The following TTLL7 variants were observed in gnomAD, a reference collection of about 807,000 sequenced individuals.
The protein encoded by TTLL7 is tubulin tyrosine ligase like 7, also known as tubulin polyglutamylase TTLL7.
Under a neutral mutation model 120.2 loss-of-function variants are expected in TTLL7, and 53 were observed. The observed-to-expected ratio is 0.44, with a 90% CI of 0.35 to 0.55. TTLL7 has a LOEUF of 0.55. TTLL7 is among the 20% of genes least tolerant of loss of function. The pLI is 0.00. For missense variants in TTLL7, 803 were observed against 1,054.7 expected, an observed-to-expected ratio of 0.76 and a Z score of 3.31; for synonymous variants, 353 against 351.7, an observed-to-expected ratio of 1.00 and a Z score of -0.04.
rs1168052454 is a variant in TTLL7, at chr1:83,942,694, A to G, written c.507-15T>C. ...TCAAAGAAATCCTATGTTTAAAGAA[A>G]AAAATTAAAAGAATGATTTGACATA... On this transcript the variant is annotated splice_polypyrimidine_tract_variant and intron_variant, in intron 6 of 20. Transcript: ENST00000260505. The G allele has an allele frequency of 1.9e-6, 3 of 1,573,422 alleles. No homozygotes were observed. The African/African-American group carries it at 4.1e-5, about 21-fold the overall frequency.
intron 18 of TTLL7, among the ~76,000 whole-genome samples, chr1:83,898,782 C>T (rs1656459395): frequency 6.6e-6 from 1 of 151,642 alleles, no homozygotes; most frequent in Non-Finnish European, 1.5e-5. Flanking sequence ...TAAATTTGTT[C>T]CAATGATTAC....
At chr1:83,952,057 C>T in intron 2 of TTLL7, 81 bp from the exon 3 acceptor site, 1 of 1,516,028 alleles carries the variant, frequency 6.6e-7, no homozygotes, top group Non-Finnish European at 9.0e-7. Flanking sequence ...CCCCACCCCA[C>T]ACCAAGGTAA....
chr1:83,882,890 C>G (rs1654639574), intron 20 of TTLL7, 73 bp downstream of exon 20: 1 of 1,526,232 alleles, frequency 6.6e-7, no homozygotes, highest in African/African-American at 1.4e-5. Flanking sequence ...CAAAAAAACA[C>G]TGTCAATTTC....
intron 20 of TTLL7, among the ~76,000 whole-genome samples, chr1:83,874,965 C>G (rs774331063): frequency 1.7e-4 from 26 of 151,830 alleles, no homozygotes; most frequent in Non-Finnish European, 3.5e-4. Flanking sequence ...GTGTCTTAAC[C>G]TAAGGACATA....
At chr1:83,973,573 A>T (rs1429376668) in intron 1 of TTLL7, among the ~76,000 whole-genome samples, 2 of 152,028 alleles carry the variant, frequency 1.3e-5, no homozygotes, top group Non-Finnish European at 2.9e-5. Context: ...TTTCCATAAA[A>T]ATTTTAGAAT....
chr1:83,911,067 C>A, intron 15 of TTLL7, 98 bp downstream of exon 15: 2 of 988,434 alleles, frequency 2.0e-6, no homozygotes, highest in Non-Finnish European at 3.1e-6. Context: ...TCCTCACACA[C>A]AACAGGGTTC....
intron 8 of TTLL7, among the ~76,000 whole-genome samples, chr1:83,933,968 A>G (rs1647192927): frequency 6.6e-6 from 1 of 152,128 alleles, no homozygotes; most frequent in African/African-American, 2.4e-5. Context: ...TCCTCAAGTA[A>G]GTGACACTTC....
intron 4 of TTLL7, 72 bp from the exon 5 acceptor site, chr1:83,948,767 C>T: frequency 1.9e-6 from 2 of 1,033,800 alleles, no homozygotes; most frequent in Non-Finnish European, 2.9e-6. Flanking sequence ...CAATACAATT[C>T]TATCCATCCT....
chr1:83,902,783 C>T (rs1447747844), intron 18 of TTLL7, among the ~76,000 whole-genome samples: 1 of 151,922 alleles, frequency 6.6e-6, no homozygotes, highest in Non-Finnish European at 1.5e-5. Context: ...ACTCAAAACT[C>T]TTATACAACT....
intron 12 of TTLL7, among the ~76,000 whole-genome samples, chr1:83,920,250 G>C (rs1294722397): frequency 1.3e-5 from 2 of 152,082 alleles, no homozygotes; most frequent in African/African-American, 4.8e-5. Flanking sequence ...GGTTTAGTTG[G>C]GGGGAAATGG....
chr1:83,985,469 G>A (rs1056357661), intron 1 of TTLL7, among the ~76,000 whole-genome samples: 9 of 152,150 alleles, frequency 5.9e-5, no homozygotes, highest in African/African-American at 2.2e-4. Flanking sequence ...AATCTCCTCT[G>A]GCAGTACCCT....
chr1:83,996,867 CT>C (rs560347085), intron 1 of TTLL7, among the ~76,000 whole-genome samples: 7,060 of 142,788 alleles, frequency 0.049, 172 homozygotes, highest in Middle Eastern at 0.11. Context: ...ATGCACTTTC[CT>C]TTTTTTTTTT....
chr1:83,976,623 A>C (rs1651514089), intron 1 of TTLL7, among the ~76,000 whole-genome samples: 1 of 152,124 alleles, frequency 6.6e-6, no homozygotes, highest in Non-Finnish European at 1.5e-5. Context: ...ATCCATGCCT[A>C]GTCCCAACAA....
At chr1:83,992,964 C>T (rs931468201) in intron 1 of TTLL7, among the ~76,000 whole-genome samples, 3 of 151,810 alleles carry the variant, frequency 2.0e-5, no homozygotes, top group African/African-American at 7.2e-5. Context: ...CACACATGGT[C>T]GTAGATTTTA....
chr1:83,994,241 G>A (rs1041633126), intron 1 of TTLL7, among the ~76,000 whole-genome samples: 5 of 152,198 alleles, frequency 3.3e-5, no homozygotes, highest in African/African-American at 9.6e-5. Context: ...CATAGTATAA[G>A]AACCTGCCTC....
At chr1:83,937,782 C>A in intron 8 of TTLL7, 70 bp downstream of exon 8, 1 of 1,570,588 alleles carries the variant, frequency 6.4e-7, no homozygotes, top group African/African-American at 1.3e-5. Flanking sequence ...AATGAACTTT[C>A]ATGGCCTGAC....
intron 10 of TTLL7, among the ~76,000 whole-genome samples, chr1:83,924,766 A>G (rs1195661633): frequency 2.6e-5 from 4 of 152,192 alleles, no homozygotes; most frequent in African/African-American, 7.2e-5. Context: ...GTCAGTTGGC[A>G]TTCACCAAAA....
intron 1 of TTLL7, among the ~76,000 whole-genome samples, chr1:83,971,986 T>G (rs1278632456): frequency 2.0e-5 from 3 of 151,944 alleles, no homozygotes; most frequent in African/African-American, 7.2e-5. Context: ...CACAGAAAAA[T>G]TAAGAGGAAG....
chr1:83,895,441 T>C (rs1276733426), intron 18 of TTLL7, among the ~76,000 whole-genome samples: 1 of 152,100 alleles, frequency 6.6e-6, no homozygotes, highest in Non-Finnish European at 1.5e-5. Context: ...ATACTATTGG[T>C]CCACAGTCCC....
Sources: allele counts gnomAD v4.1 joint callset (sites outside exome capture counted in the v4.1 genomes callset), GRCh38; gene constraint gnomAD v4.1.1; transcripts MANE v1.5; gene names NCBI Gene and HGNC (gene_info 2026-07-23, HGNC 2026-07-21).